Variants in PTPRG observed in about 807,000 individuals in gnomAD.
PTPRG encodes the protein receptor-type tyrosine-protein phosphatase gamma.
Under a neutral mutation model 165.3 loss-of-function variants are expected in PTPRG, and 102 were observed. The ratio of observed to expected loss-of-function variants is 0.62; its 90% CI spans 0.53 to 0.73. The LOEUF is 0.73. Ranked by LOEUF, PTPRG falls within the 30% of genes least tolerant of loss-of-function variation. The probability of loss-of-function intolerance (pLI) is 0.00; values close to 1 mark genes in which losing one functional copy is unlikely to be tolerated. For synonymous variants in PTPRG, 675 were observed against 669.5 expected (o/e 1.01, Z -0.13); for missense variants, 1,866 against 1,861.4 (o/e 1.00, Z -0.05).
Position 62,293,475 on chromosome 3 carries a change from G to T in PTPRG, c.*168G>T. 1.9e-6 allele frequency: 1 copy of T among 530,470 alleles called. No homozygotes were observed. Among genetic ancestry groups the T allele is most frequent in the Non-Finnish European group, 3.1e-6 (1 of 318,876 alleles). The allele number at this position is 530,470 out of a possible 1,614,324, so 32.9% of individuals were successfully genotyped here. A position where few individuals can be genotyped will look rare whatever the true frequency, so the allele number is the denominator to read the frequency against. ...TTTTATGTCTTAATGGTATCCTACT[G>T]AGCATTTGCACCTCTGTTCATTTCA... On this transcript the variant is annotated 3_prime_UTR_variant, in exon 30 of 30. Coordinates refer to ENST00000474889, the MANE Select transcript of PTPRG (RefSeq NM_002841.4).
intron 2 of PTPRG, among the ~76,000 whole-genome samples, chr3:61,795,717 A>G (rs1026222779): frequency 1.3e-5 from 2 of 151,622 alleles, no homozygotes; most frequent in African/African-American, 2.4e-5. Flanking sequence ...ATGAGAAAAT[A>G]TAGATGCCTG....
intron 2 of PTPRG, among the ~76,000 whole-genome samples, chr3:61,807,689 C>T (rs150094490): frequency 7.9e-5 from 12 of 152,246 alleles, no homozygotes; most frequent in Non-Finnish European, 1.6e-4. Flanking sequence ...ATAACAGAAT[C>T]ATAAATGTGT....
intron 5 of PTPRG, among the ~76,000 whole-genome samples, chr3:62,130,591 A>G (rs1249323145): frequency 6.6e-6 from 1 of 152,160 alleles, no homozygotes; most frequent in African/African-American, 2.4e-5. Flanking sequence ...TTTTGTCTAT[A>G]GCTTCAATTT....
At chr3:62,093,877 T>G (rs1458411219) in intron 5 of PTPRG, among the ~76,000 whole-genome samples, 1 of 152,196 alleles carries the variant, frequency 6.6e-6, no homozygotes, top group African/African-American at 2.4e-5. Context: ...GACAGCTTTT[T>G]TTCCAAGCAC....
At chr3:61,959,096 T>C (rs1407593777) in intron 2 of PTPRG, among the ~76,000 whole-genome samples, 1 of 152,204 alleles carries the variant, frequency 6.6e-6, no homozygotes, top group African/African-American at 2.4e-5. Context: ...CTTTTTGTTC[T>C]CTTTCATTAA....
intron 1 of PTPRG, among the ~76,000 whole-genome samples, chr3:61,651,661 G>A (rs961531657): frequency 6.6e-6 from 1 of 152,144 alleles, no homozygotes; most frequent in African/African-American, 2.4e-5. Flanking sequence ...CTGCACCTCT[G>A]GTGTACCTTG....
At position 62,254,735 on chromosome 3, in the gene PTPRG, A is replaced by AAAC. The variant is rs367760537; in HGVS notation, c.2468-371_2468-369dup. ...ACTCCATTGAACAGCAATTAAAAAA[A>AAAC]AACAACAACAACAACAACAAAGAAA... On this transcript the variant is annotated intron_variant, in intron 15 of 29. Transcript: ENST00000474889. This position sits in a 1 kb window ranked among gnomAD's most constrained non-coding sequence, Gnocchi z 4.6. Among the ~76,000 whole-genome samples the AAAC allele has an allele frequency of 9.2e-5, 14 of 152,016 alleles. No individual in the cohort carries two copies. Among genetic ancestry groups the AAAC allele is most frequent in the East Asian group, 1.9e-4 (1 of 5,196 alleles).
chr3:61,874,911 T>G (rs1223769952), intron 2 of PTPRG, among the ~76,000 whole-genome samples: 1 of 152,176 alleles, frequency 6.6e-6, no homozygotes, highest in African/African-American at 2.4e-5. Flanking sequence ...ATCACAAAAT[T>G]TGTCTTATGT....
Position 62,271,480 on chromosome 3 carries a change from T to G in PTPRG, c.3107T>G (p.Leu1036Arg). 1 of 1,614,024 alleles carries G rather than the reference T, an allele frequency of 6.2e-7. No individual in the cohort carries two copies. ...GACATGGGAGTTCCCGAGTATGCCCTTCCAGTACTGACTTTCGTGAGGAGA... is the reference window on the plus strand; with the variant it reads ...GACATGGGAGTTCCCGAGTATGCCCGTCCAGTACTGACTTTCGTGAGGAGA... Reference protein sequence around the residue: ...WPDMGVPEYALPVLTFVRRSS... With the variant: ...WPDMGVPEYARPVLTFVRRSS... Residue 1036 changes from leucine to arginine, a missense_variant, in exon 21 of 30, where the codon CTT becomes CGT. By Grantham distance (102) the Leu-to-Arg change is moderately radical (BLOSUM62 -2). Around this residue, in one of 3 missense-constraint regions of PTPRG, gnomAD observed 1,452 missense variants for 1,463.0 expected, o/e 0.99. Coordinates refer to ENST00000474889, the MANE Select transcript of PTPRG (RefSeq NM_002841.4). This position sits in a 1 kb window ranked among gnomAD's most constrained non-coding sequence, Gnocchi z 4.1.
At chr3:61,700,901 G>A (rs1324963192) in intron 1 of PTPRG, among the ~76,000 whole-genome samples, 2 of 152,124 alleles carry the variant, frequency 1.3e-5, no homozygotes, top group African/African-American at 2.4e-5. Context: ...AGAAACAAAT[G>A]TGCATCCCTG....
At chr3:62,215,559 G>A (rs200281845) in intron 12 of PTPRG, among the ~76,000 whole-genome samples, 45 of 11,324 alleles carry the variant, frequency 4.0e-3, no homozygotes, top group Non-Finnish European at 9.1e-3. Flanking sequence ...CCCCCCCCCC[G>A]CCAATTATTA....
chr3:61,636,145 C>A (rs1701902300), intron 1 of PTPRG, among the ~76,000 whole-genome samples: 3 of 152,170 alleles, frequency 2.0e-5, no homozygotes, highest in Admixed American at 2.0e-4. Context: ...AACACACAGA[C>A]AACTAAATGC....
intron 2 of PTPRG, among the ~76,000 whole-genome samples, chr3:61,823,783 C>G (rs1195292748): frequency 6.6e-6 from 1 of 152,126 alleles, no homozygotes; most frequent in Non-Finnish European, 1.5e-5. Flanking sequence ...TGCCTTCATT[C>G]TTGGATATGT....
At chr3:62,009,378 T>G (rs1454424777) in intron 4 of PTPRG, among the ~76,000 whole-genome samples, 1 of 152,188 alleles carries the variant, frequency 6.6e-6, no homozygotes, top group Non-Finnish European at 1.5e-5. Context: ...GCCAGAAGTT[T>G]CTAGTTTTAG....
At chr3:62,078,524 C>T (rs935033647) in intron 5 of PTPRG, among the ~76,000 whole-genome samples, 5 of 152,016 alleles carry the variant, frequency 3.3e-5, no homozygotes, top group African/African-American at 4.8e-5. Flanking sequence ...TAAGTTACTT[C>T]GCCGCTGAAG....
At chr3:61,693,525 G>C (rs905122141) in intron 1 of PTPRG, among the ~76,000 whole-genome samples, 4 of 152,182 alleles carry the variant, frequency 2.6e-5, no homozygotes, top group Admixed American at 6.5e-5. Flanking sequence ...ACTTGGTGCT[G>C]AGGAGTACCC....
At chr3:61,841,776 G>C in intron 2 of PTPRG, among the ~76,000 whole-genome samples, 1 of 152,100 alleles carries the variant, frequency 6.6e-6, no homozygotes, top group East Asian at 1.9e-4. Flanking sequence ...GGACGATAAA[G>C]GAATGTGCCA....
At chr3:61,568,617 A>T (rs930148301) in intron 1 of PTPRG, among the ~76,000 whole-genome samples, 31 of 150,740 alleles carry the variant, frequency 2.1e-4, no homozygotes, top group Non-Finnish European at 2.1e-4. Context: ...TGTAAAAAAA[A>T]TTTTTTTTTT....
At chr3:62,199,902 T>C (rs540991675) in intron 10 of PTPRG, among the ~76,000 whole-genome samples, 7 of 152,210 alleles carry the variant, frequency 4.6e-5, no homozygotes, top group Non-Finnish European at 1.0e-4. Flanking sequence ...ATACACACAA[T>C]GGAATATTAT....
Sources: allele counts gnomAD v4.1 joint callset (sites outside exome capture counted in the v4.1 genomes callset), GRCh38; gene constraint gnomAD v4.1.1; regional missense constraint gnomAD v4.1.1; non-coding constraint Gnocchi (gnomAD v3.1); transcripts MANE v1.5; gene names NCBI Gene and HGNC (gene_info 2026-07-23, HGNC 2026-07-21).